Variants in CNGB3 observed in about 807,000 individuals in gnomAD.
CNGB3 encodes cyclic nucleotide-gated channel beta-3.
In CNGB3, 86 loss-of-function variants were observed where a neutral mutation model predicts 92.8. The observed-to-expected ratio is 0.93, with a 90% CI of 0.78 to 1.11. The LOEUF is 1.11. CNGB3 is among the 50% of genes least tolerant of loss of function. The pLI is 0.00. For synonymous variants in CNGB3, 333 were observed against 332.7 expected (o/e 1.00, Z -0.01); for missense variants, 1,026 against 956.8 (o/e 1.07, Z -0.95).
chr8:86,628,039 C>T (rs1822883291), intron 12 of CNGB3, among the ~76,000 whole-genome samples: 1 of 152,086 alleles, frequency 6.6e-6, no homozygotes. Context: ...ATTTTCTTTT[C>T]TCTAGTTTAT....
chr8:86,630,597 G>C (rs1822944144), intron 11 of CNGB3, among the ~76,000 whole-genome samples: 1 of 152,188 alleles, frequency 6.6e-6, no homozygotes, highest in African/African-American at 2.4e-5. Context: ...TGGGTGCAGT[G>C]GCTCCATGTC....
intron 5 of CNGB3, 73 bp from the exon 6 acceptor site, chr8:86,667,206 G>A (rs878884139): frequency 1.5e-5 from 20 of 1,335,304 alleles, no homozygotes; most frequent in Non-Finnish European, 1.3e-5. Context: ...GCTTAGTTTG[G>A]GGAGGTTGGG....
At chr8:86,711,546 G>A (rs1004232538) in intron 3 of CNGB3, among the ~76,000 whole-genome samples, 4 of 152,060 alleles carry the variant, frequency 2.6e-5, no homozygotes, top group African/African-American at 4.8e-5. Flanking sequence ...ACAGGCAACC[G>A]AGCTGTCATC....
intron 13 of CNGB3, among the ~76,000 whole-genome samples, chr8:86,612,063 T>C (rs1264745975): frequency 2.0e-5 from 3 of 152,180 alleles, no homozygotes; most frequent in Non-Finnish European, 4.4e-5. Context: ...CCAACATAGA[T>C]CAAAATCTTT....
chr8:86,635,263 T>G (rs1312775806), intron 10 of CNGB3, among the ~76,000 whole-genome samples: 2 of 152,100 alleles, frequency 1.3e-5, no homozygotes, highest in Non-Finnish European at 2.9e-5. Flanking sequence ...CTCTTTAAAT[T>G]AAGGAAATTT....
chr8:86,637,645 G>T (rs1823097974), intron 10 of CNGB3, among the ~76,000 whole-genome samples: 1 of 152,056 alleles, frequency 6.6e-6, no homozygotes, highest in African/African-American at 2.4e-5. Flanking sequence ...GCATTTTGCA[G>T]TTTTCAGTGT....
At chr8:86,654,487 T>A (rs1372739163) in intron 6 of CNGB3, among the ~76,000 whole-genome samples, 3 of 152,176 alleles carry the variant, frequency 2.0e-5, no homozygotes, top group Admixed American at 6.5e-5. Context: ...AAATGACACG[T>A]ATACTGCTTG....
rs1211382927 is a variant in CNGB3 at position 86,574,566 on chromosome 8, G to T, written c.*1238C>A. On this transcript the variant is annotated 3_prime_UTR_variant, in exon 18 of 18. Transcript: ENST00000320005. Reference sequence around the variant, plus strand: ...ATGGTTTGCTAAATGCATCTATGTTGTAGGCTTTTTGGCTAATATGATTTG... The same window carrying T: ...ATGGTTTGCTAAATGCATCTATGTTTTAGGCTTTTTGGCTAATATGATTTG... 2.6e-5 allele frequency: 4 copies of T among 152,146 alleles called. No homozygotes were observed. In the East Asian group the frequency reaches 5.8e-4, roughly 22 times the overall value. The allele number at this position is 152,146 out of a possible 1,614,324, so 9.4% of individuals were successfully genotyped here. A position where few individuals can be genotyped will look rare whatever the true frequency, so the allele number is the denominator to read the frequency against.
intron 4 of CNGB3, among the ~76,000 whole-genome samples, chr8:86,669,694 C>T (rs867969680): frequency 2.0e-5 from 3 of 152,294 alleles, no homozygotes; most frequent in Middle Eastern, 3.4e-3. Context: ...TTCTCTTATA[C>T]AGAACTACAA....
intron 10 of CNGB3, among the ~76,000 whole-genome samples, chr8:86,640,925 C>T (rs773214506): frequency 1.3e-5 from 2 of 151,908 alleles, no homozygotes; most frequent in Non-Finnish European, 2.9e-5. Flanking sequence ...AATAAGGCTG[C>T]GACCTACTGG....
chr8:86,605,150 C>CT (rs914494229), intron 14 of CNGB3, among the ~76,000 whole-genome samples: 4 of 152,088 alleles, frequency 2.6e-5, no homozygotes, highest in Non-Finnish European at 4.4e-5. Flanking sequence ...CCATGTATAT[C>CT]TTTTTCTTGC....
At chr8:86,660,312 G>A in intron 6 of CNGB3, 1 of 343,882 alleles carries the variant, frequency 2.9e-6, no homozygotes. Context: ...GGGAGGTGGG[G>A]TTGGGGCCAT....
chr8:86,714,850 C>T (rs976338261), intron 3 of CNGB3, among the ~76,000 whole-genome samples: 44 of 152,156 alleles, frequency 2.9e-4, no homozygotes, highest in African/African-American at 8.4e-4. Flanking sequence ...TACGTGGGAG[C>T]GGGTGAGGCC....
chr8:86,604,311 T>G lies in CNGB3; in HGVS notation c.1663-100A>C, dbSNP rs1162495943. 13 of 765,750 alleles carry G rather than the reference T, an allele frequency of 1.7e-5. No individual in the cohort carries two copies. In the East Asian group the frequency reaches 3.0e-4, roughly 18 times the overall value. The allele number at this position is 765,750 out of a possible 1,614,324, so 47.4% of individuals were successfully genotyped here. A position where few individuals can be genotyped will look rare whatever the true frequency, so the allele number is the denominator to read the frequency against. ...ATTCTTTTAGAGGAGTAAATATAAATGAAGGAAGCAAAGAACATTAGTGTA... is the reference window on the plus strand; with the variant it reads ...ATTCTTTTAGAGGAGTAAATATAAAGGAAGGAAGCAAAGAACATTAGTGTA... On this transcript the variant is annotated intron_variant, in intron 14 of 17. Coordinates refer to ENST00000320005, the MANE Select transcript of CNGB3 (RefSeq NM_019098.5).
chr8:86,741,298 T>G (rs1411486498), intron 1 of CNGB3, among the ~76,000 whole-genome samples: 1 of 152,210 alleles, frequency 6.6e-6, no homozygotes, highest in Admixed American at 6.5e-5. Flanking sequence ...AAATTGGAGA[T>G]AAACTATTTT....
chr8:86,656,866 A>T (rs930170474), intron 6 of CNGB3, among the ~76,000 whole-genome samples: 1 of 152,092 alleles, frequency 6.6e-6, no homozygotes, highest in East Asian at 1.9e-4. Context: ...CCCAGTCCCA[A>T]ATAATTACTA....
chr8:86,668,067 C>G lies in CNGB3; in HGVS notation c.595G>C (p.Glu199Gln), dbSNP rs114305748. The change falls in exon 5 of 18, where the codon GAG (glutamate) becomes CAG (glutamine). Residue 199 changes from glutamate to glutamine, a missense_variant. Coordinates refer to ENST00000320005, the MANE Select transcript of CNGB3 (RefSeq NM_019098.5). ...WFKVKKMPLT[E>Q]YLKRIKLPNS... ...GGAAGTTTAATTCGCTTTAAGTACT[C>G]TGTTAAAGGCATCTTTTTGACTTTG... The G allele has an allele frequency of 6.2e-6, 10 of 1,613,692 alleles. No homozygotes were observed. In the South Asian group the frequency reaches 9.9e-5, roughly 16 times the overall value.
intron 3 of CNGB3, among the ~76,000 whole-genome samples, chr8:86,688,346 T>C (rs1179262285): frequency 6.6e-6 from 1 of 152,030 alleles, no homozygotes; most frequent in Non-Finnish European, 1.5e-5. Flanking sequence ...AAGACAATCA[T>C]CATTTCTTTC....
intron 14 of CNGB3, among the ~76,000 whole-genome samples, chr8:86,605,807 G>C (rs1822401401): frequency 6.6e-6 from 1 of 152,038 alleles, no homozygotes; most frequent in South Asian, 2.1e-4. Context: ...CTTACACCTA[G>C]GTTTATTTTC....
Sources: gnomAD v4.1 joint callset for allele counts (sites outside exome capture counted in the v4.1 genomes callset) on GRCh38, gnomAD v4.1.1 for gene constraint, MANE v1.5 for transcripts, NCBI Gene and HGNC (gene_info 2026-07-23, HGNC 2026-07-21) for gene names.